The following UNC45B variants were observed in gnomAD, a reference collection of about 807,000 sequenced individuals.
UNC45B encodes the protein protein unc-45 homolog B.
Under a neutral mutation model 98.7 loss-of-function variants are expected in UNC45B, and 78 were observed. The ratio of observed to expected loss-of-function variants is 0.79; its 90% CI spans 0.66 to 0.95. The LOEUF (loss-of-function observed/expected upper bound fraction) is 0.95. Ranked by LOEUF, UNC45B falls within the 40% of genes least tolerant of loss-of-function variation. UNC45B has a pLI of 0.00. For missense variants in UNC45B, 1,225 were observed against 1,184.9 expected, an observed-to-expected ratio of 1.03 and a Z score of -0.50; for synonymous variants, 462 against 480.4, an observed-to-expected ratio of 0.96 and a Z score of 0.50.
intron 9 of UNC45B, among the ~76,000 whole-genome samples, chr17:35,166,756 A>G (rs2092144273): frequency 6.6e-6 from 1 of 152,086 alleles, no homozygotes; most frequent in Admixed American, 6.6e-5. Context: ...AGAGCTTCCA[A>G]AGCTGAGTCC....
chr17:35,186,211 T>C, intron 19 of UNC45B, 88 bp from the exon 20 acceptor site: 1 of 1,545,668 alleles, frequency 6.5e-7, no homozygotes, highest in Non-Finnish European at 8.8e-7. Flanking sequence ...CTCCTAACAT[T>C]GCCACACCAG....
At chr17:35,172,011 AAT>A (rs750204256) in intron 13 of UNC45B, among the ~76,000 whole-genome samples, 10 of 152,208 alleles carry the variant, frequency 6.6e-5, no homozygotes, top group Non-Finnish European at 1.3e-4. Context: ...TGATCAAAGT[AAT>A]ATAATCATGC....
chr17:35,175,041 AG>A (rs1286524863), intron 14 of UNC45B, among the ~76,000 whole-genome samples: 1 of 139,598 alleles, frequency 7.2e-6, no homozygotes, highest in Non-Finnish European at 1.5e-5. Context: ...AGAGGAAAGA[AG>A]GAAAGAAAGA....
At chr17:35,181,170 C>G (rs1469470438) in intron 18 of UNC45B, among the ~76,000 whole-genome samples, 1 of 152,210 alleles carries the variant, frequency 6.6e-6, no homozygotes, top group Non-Finnish European at 1.5e-5. Context: ...TATAACTGTA[C>G]TCAGCACAGA....
chr17:35,150,765 C>T (rs1007927217), intron 4 of UNC45B, among the ~76,000 whole-genome samples: 1 of 151,172 alleles, frequency 6.6e-6, no homozygotes, highest in African/African-American at 2.4e-5. Flanking sequence ...ACCCCCGCCC[C>T]CCCCAAAAAA....
chr17:35,175,022 G>A (rs545929701), intron 14 of UNC45B, among the ~76,000 whole-genome samples: 2 of 114,120 alleles, frequency 1.8e-5, no homozygotes, highest in African/African-American at 7.9e-5. Flanking sequence ...AGGAGGGAAG[G>A]AAGGAGAGAG....
chr17:35,168,259 G>C lies in UNC45B; in HGVS notation c.1350G>C (p.Thr450=), dbSNP rs758031609. 2 of 1,566,848 alleles carry C rather than the reference G, an allele frequency of 1.3e-6. No homozygotes were observed. Among genetic ancestry groups the C allele is most frequent in the Admixed American group, 3.7e-5 (2 of 53,348 alleles). ...TGGAGGCCCTCATCCATGCCTCCACGAAGCTCAGCCGCGCCACCTTCATCA... is the reference window on the plus strand; with the variant it reads ...TGGAGGCCCTCATCCATGCCTCCACCAAGCTCAGCCGCGCCACCTTCATCA... ...VAVEALIHAS[T]KLSRATFIIT... The change falls in exon 10 of 20, where the codon ACG becomes ACC. Residue 450 remains threonine (T), a synonymous_variant. Transcript: ENST00000394570.
At chr17:35,171,222 G>T in intron 12 of UNC45B, 100 bp from the exon 13 acceptor site, 2 of 1,503,092 alleles carry the variant, frequency 1.3e-6, no homozygotes, top group South Asian at 2.6e-5. Flanking sequence ...GCACTCCTCC[G>T]ACACCAACCT....
At chr17:35,174,153 A>G in intron 13 of UNC45B, 89 bp from the exon 14 acceptor site, 1 of 1,567,066 alleles carries the variant, frequency 6.4e-7, no homozygotes, top group Non-Finnish European at 8.7e-7. Context: ...ACCAACCCCA[A>G]GAATTCAGAA....
At position 35,180,909 on chromosome 17, in the gene UNC45B, G is replaced by A. The variant is rs8076291; in HGVS notation, c.2373+233G>A. On this transcript the variant is annotated intron_variant, in intron 18 of 19. Transcript: ENST00000394570. ...ATACAAAGCTGGGGCTTTCAATCCAGACCCTGGGCTAGATGAGGTGGAAGG... is the reference window on the plus strand; with the variant it reads ...ATACAAAGCTGGGGCTTTCAATCCAAACCCTGGGCTAGATGAGGTGGAAGG... Among the ~76,000 whole-genome samples the A allele has an allele frequency of 0.55, 82,979 of 151,940 alleles. 23,362 individuals are homozygous for A. Among genetic ancestry groups the A allele is most frequent in the African/African-American group, 0.68 (28,119 of 41,438 alleles).
At chr17:35,151,157 G>T (rs568331894) in intron 4 of UNC45B, 1 of 265,678 alleles carries the variant, frequency 3.8e-6, no homozygotes, top group Non-Finnish European at 7.2e-6. Context: ...GCTCTTCCCT[G>T]TTCACTCGCC....
At chr17:35,180,413 G>A (rs372068099) in intron 17 of UNC45B, 146 bp from the exon 18 acceptor site, 3 of 632,652 alleles carry the variant, frequency 4.7e-6, no homozygotes, top group South Asian at 3.9e-5. Flanking sequence ...AGAGCTGGGG[G>A]CAGTGTGATG....
At chr17:35,157,528 A>G (rs1248094199) in intron 7 of UNC45B, among the ~76,000 whole-genome samples, 1 of 152,158 alleles carries the variant, frequency 6.6e-6, no homozygotes, top group Non-Finnish European at 1.5e-5. Context: ...CCTGGGGTCA[A>G]ATTCCTAGAA....
intron 9 of UNC45B, among the ~76,000 whole-genome samples, chr17:35,166,773 C>T (rs2092144375): frequency 6.6e-6 from 1 of 152,148 alleles, no homozygotes. Flanking sequence ...GTCCTCTTCC[C>T]CAGGGGAACT....
intron 8 of UNC45B, among the ~76,000 whole-genome samples, chr17:35,162,579 A>C (rs2142551125): frequency 6.6e-6 from 1 of 151,734 alleles, no homozygotes; most frequent in Admixed American, 6.6e-5. Context: ...ATGAGCCACC[A>C]AGCCACTTCC....
intron 10 of UNC45B, among the ~76,000 whole-genome samples, chr17:35,169,366 GCTTCTGA>G (rs1420010823): frequency 6.6e-6 from 1 of 152,106 alleles, no homozygotes; most frequent in East Asian, 1.9e-4. Context: ...ACAAATTCTA[GCTTCTGA>G]CAAAAGTGAA....
chr17:35,149,091 G>A (rs1597902072), intron 3 of UNC45B, 82 bp downstream of exon 3: 1 of 1,518,018 alleles, frequency 6.6e-7, no homozygotes, highest in Non-Finnish European at 9.1e-7. Flanking sequence ...CCATTTTGGG[G>A]GAAGAAACAG....
At position 35,186,685 on chromosome 17, in the gene UNC45B, A is replaced by C. The variant is rs2092306586; in HGVS notation, c.*126A>C. 1 of 1,129,726 alleles carries C rather than the reference A, an allele frequency of 8.9e-7. No individual in the cohort carries two copies. The highest frequency in any genetic ancestry group is 1.2e-6 in the Non-Finnish European group (1 of 806,822). The allele number at this position is 1,129,726 out of a possible 1,614,324, so 70.0% of individuals were successfully genotyped here. ...TGACAATGAAGTCTCAATATAAAGG[A>C]AAGACTTGATTGTTCTCTGAGTTGT... On this transcript the variant is annotated 3_prime_UTR_variant, in exon 20 of 20. Coordinates refer to ENST00000394570, the MANE Select transcript of UNC45B (RefSeq NM_001267052.2).
intron 6 of UNC45B, among the ~76,000 whole-genome samples, chr17:35,155,059 G>A (rs1179225445): frequency 2.0e-5 from 3 of 152,190 alleles, no homozygotes; most frequent in Non-Finnish European, 2.9e-5. Context: ...AGAGCTCAAC[G>A]GCCCCATGTG....
Sources: allele counts gnomAD v4.1 joint callset (sites outside exome capture counted in the v4.1 genomes callset), GRCh38; gene constraint gnomAD v4.1.1; transcripts MANE v1.5; gene names NCBI Gene and HGNC (gene_info 2026-07-23, HGNC 2026-07-21).